The following TEX22 variants were observed in gnomAD, a reference collection of about 807,000 sequenced individuals.
TEX22 encodes the protein testis expressed 22.
A neutral mutation model predicts 11.3 loss-of-function variants in TEX22; 16 were observed. The observed-to-expected ratio is 1.42, with a 90% CI of 0.96 to 2.15. The LOEUF is 2.15. TEX22 is among the 30% of genes most tolerant of loss of function. The probability of loss-of-function intolerance (pLI) is 0.00; values close to 1 mark genes in which losing one functional copy is unlikely to be tolerated. For synonymous variants in TEX22, 97 were observed against 92.3 expected (o/e 1.05, Z -0.29); for missense variants, 220 against 208.6 (o/e 1.05, Z -0.34).
At chr14:105,407,373 C>G (rs2081663845) in intron 2 of TEX22, among the ~76,000 whole-genome samples, 1 of 151,754 alleles carries the variant, frequency 6.6e-6, no homozygotes, top group African/African-American at 2.4e-5. Context: ...CGGCCAGTTT[C>G]TTAAATTTTT....
intron 2 of TEX22, among the ~76,000 whole-genome samples, chr14:105,401,204 C>T (rs1469172267): frequency 2.0e-5 from 3 of 152,076 alleles, no homozygotes; most frequent in African/African-American, 7.2e-5. Context: ...ATAGTAGGTG[C>T]TCAATGAATG....
chr14:105,411,235 C>G (rs1555419300), intron 2 of TEX22, 133 bp from the exon 3 acceptor site: 1 of 1,048,836 alleles, frequency 9.5e-7, no homozygotes, highest in African/African-American at 1.7e-5. Flanking sequence ...GGCGCTGGAG[C>G]AGCGGGAGGC....
intron 2 of TEX22, among the ~76,000 whole-genome samples, chr14:105,402,281 G>A (rs1595218236): frequency 6.6e-6 from 1 of 152,302 alleles, no homozygotes; most frequent in East Asian, 1.9e-4. Flanking sequence ...ATCACTATTT[G>A]CATCTAATAT....
chr14:105,402,105 G>A (rs1417213023), intron 2 of TEX22, among the ~76,000 whole-genome samples: 1 of 152,152 alleles, frequency 6.6e-6, no homozygotes, highest in East Asian at 1.9e-4. Flanking sequence ...AGAATTGCTT[G>A]AACCTGGGAG....
chr14:105,398,551 T>A lies in TEX22; in HGVS notation c.-124T>A, dbSNP rs1172734493. The A allele has an allele frequency of 3.9e-5, 6 of 152,002 alleles. No homozygotes were observed. Among genetic ancestry groups the A allele is most frequent in the Non-Finnish European group, 8.8e-5 (6 of 68,022 alleles). 9.4% of individuals were successfully genotyped at this position (152,002 alleles called of 1,614,324 possible). ...GGGGCGGGGCTTGCCGTAGCGGACG[T>A]TCTGGAGCGAGGCGCCGGCCCCTTG... On this transcript the variant is annotated 5_prime_UTR_variant, in exon 1 of 4. Transcript: ENST00000451127.
At chr14:105,403,564 A>G (rs1555418632) in intron 2 of TEX22, among the ~76,000 whole-genome samples, 1 of 152,234 alleles carries the variant, frequency 6.6e-6, no homozygotes, top group African/African-American at 2.4e-5. Context: ...CTGGGACCAC[A>G]GTGGCATGCC....
Position 105,411,838 on chromosome 14 carries a change from C to A in TEX22, c.*5C>A, listed in dbSNP as rs1555419441. On this transcript the variant is annotated 3_prime_UTR_variant, in exon 4 of 4. Transcript: ENST00000451127. ...TCGAGGTCACCCCCTTCCTAAGAGC[C>A]CCATTCAGCCCATTGTCTGTCTTCC... 1.4e-6 allele frequency: 2 copies of A among 1,401,282 alleles called. No homozygotes were observed. Among genetic ancestry groups the A allele is most frequent in the Admixed American group, 2.7e-5 (1 of 37,244 alleles). The allele number at this position is 1,401,282 out of a possible 1,614,324, so 86.8% of individuals were successfully genotyped here. A position where few individuals can be genotyped will look rare whatever the true frequency, so the allele number is the denominator to read the frequency against.
rs1382642206 is a variant in TEX22 at position 105,399,334 on chromosome 14, G to A, written c.-7G>A. 18 of 1,535,146 alleles carry A rather than the reference G, an allele frequency of 1.2e-5. No homozygotes were observed. The East Asian group carries it at 3.9e-4, about 33-fold the overall frequency. On this transcript the variant is annotated 5_prime_UTR_variant, in exon 2 of 4. Transcript: ENST00000451127. ...AGGTGTGGACAAGCAGCCTACTAGG[G>A]CTAGAGATGGACAGCAGGAAACTGT...
rs2081698053 is a variant in TEX22, at chr14:105,412,169, G to A, written c.*336G>A. 4.4e-6 allele frequency: 1 copy of A among 227,126 alleles called. No homozygotes were observed. Among genetic ancestry groups the A allele is most frequent in the Non-Finnish European group, 8.6e-6 (1 of 116,394 alleles). The allele number at this position is 227,126 out of a possible 1,614,324, so 14.1% of individuals were successfully genotyped here. The stretch of plus-strand genomic sequence containing the variant: ...CTGCCTGAGGTGCACTGGTGTCCTG[G>A]GAAGCCCCAGTGGCAGGCGCTGCCT... On this transcript the variant is annotated 3_prime_UTR_variant, in exon 4 of 4. Transcript: ENST00000451127. This position sits in a 1 kb window ranked among gnomAD's most constrained non-coding sequence, Gnocchi z 5.8.
At chr14:105,403,524 G>A (rs985519514) in intron 2 of TEX22, among the ~76,000 whole-genome samples, 1 of 152,220 alleles carries the variant, frequency 6.6e-6, no homozygotes. Flanking sequence ...CTGGACTCCA[G>A]CTATCCTCCC....
Position 105,412,838 on chromosome 14 carries a change from G to A in TEX22, c.*1005G>A, listed in dbSNP as rs2081703227. On this transcript the variant is annotated 3_prime_UTR_variant, in exon 4 of 4. Transcript: ENST00000451127. The surrounding 1 kb of genome is among the most constrained non-coding windows in gnomAD (Gnocchi z 5.8). ...TCCTGGGCTCCAGGTGAGGGCAGGA[G>A]CTGGACCTGTGCGGTGGCCTGGACC... 1 of 152,226 alleles carries A rather than the reference G, an allele frequency of 6.6e-6. No individual in the cohort carries two copies. Among genetic ancestry groups the A allele is most frequent in the Non-Finnish European group, 1.5e-5 (1 of 68,136 alleles). 9.4% of individuals were successfully genotyped at this position (152,226 alleles called of 1,614,324 possible). A position where few individuals can be genotyped will look rare whatever the true frequency, so the allele number is the denominator to read the frequency against.
At position 105,411,396 on chromosome 14, in the gene TEX22, C is replaced by T. The variant is rs1219472782; in HGVS notation, c.179C>T (p.Pro60Leu). ...WVCEPPERRR[P>L]GRRWSVSIDE... ...TGCGAGCCGCCGGAACGCAGGCGCC[C>T]GGGCCGCCGCTGGAGCGTCAGCATC... is the stretch of plus-strand genomic sequence containing the variant. The change falls in exon 3 of 4, where the codon CCG (proline) becomes CTG (leucine). Residue 60 changes from proline to leucine, a missense_variant. Transcript: ENST00000451127. 17 of 1,320,434 alleles carry T rather than the reference C, an allele frequency of 1.3e-5. No individual in the cohort carries two copies. Among genetic ancestry groups the T allele is most frequent in the Admixed American group, 3.5e-5 (1 of 28,868 alleles). 81.8% of individuals were successfully genotyped at this position (1,320,434 alleles called of 1,614,324 possible). A position where few individuals can be genotyped will look rare whatever the true frequency, so the allele number is the denominator to read the frequency against.
At chr14:105,402,629 G>A (rs1036255391) in intron 2 of TEX22, among the ~76,000 whole-genome samples, 12 of 151,988 alleles carry the variant, frequency 7.9e-5, no homozygotes, top group Non-Finnish European at 1.2e-4. Context: ...GGTGGCGGGC[G>A]CCTGTAGTCC....
At chr14:105,406,634 AAAG>A in intron 2 of TEX22, among the ~76,000 whole-genome samples, 1 of 152,244 alleles carries the variant, frequency 6.6e-6, no homozygotes, top group East Asian at 1.9e-4. Context: ...TCTTTAAAAA[AAAG>A]GAGGAAAAAA....
chr14:105,402,514 G>A (rs1434891103), intron 2 of TEX22, among the ~76,000 whole-genome samples: 6 of 152,022 alleles, frequency 3.9e-5, no homozygotes, highest in African/African-American at 9.7e-5. Flanking sequence ...CAGCACTTTG[G>A]GAGGCTGGGG....
At chr14:105,399,709 G>A (rs1398008538) in intron 2 of TEX22, among the ~76,000 whole-genome samples, 4 of 143,414 alleles carry the variant, frequency 2.8e-5, no homozygotes, top group South Asian at 4.2e-4. Context: ...CCAGAACCGT[G>A]GGCCGCTGGG....
intron 2 of TEX22, among the ~76,000 whole-genome samples, chr14:105,400,474 AG>A (rs1428789742): frequency 6.6e-6 from 1 of 152,170 alleles, no homozygotes; most frequent in Non-Finnish European, 1.5e-5. Context: ...AGGGCCGCTC[AG>A]GAGGAGGGCC....
At chr14:105,399,537 C>A in intron 2 of TEX22, 47 bp downstream of exon 2, 1 of 1,476,958 alleles carries the variant, frequency 6.8e-7, no homozygotes, top group Non-Finnish European at 9.0e-7. Flanking sequence ...TGTCCCCAGC[C>A]CGCCTGAGGC....
At chr14:105,402,011 C>A (rs2081629732) in intron 2 of TEX22, among the ~76,000 whole-genome samples, 1 of 152,110 alleles carries the variant, frequency 6.6e-6, no homozygotes, top group Non-Finnish European at 1.5e-5. Context: ...TGGGATGAAA[C>A]CCCGTCTCTA....
Sources: allele counts gnomAD v4.1 joint callset (sites outside exome capture counted in the v4.1 genomes callset), GRCh38; gene constraint gnomAD v4.1.1; non-coding constraint Gnocchi (gnomAD v3.1); transcripts MANE v1.5; gene names NCBI Gene and HGNC (gene_info 2026-07-23, HGNC 2026-07-21).